Variants in MALRD1 observed in about 807,000 individuals in gnomAD.
MALRD1 encodes MAM and LDL receptor class A domain containing 1.
MALRD1 carries 247 observed loss-of-function variants against 242.1 expected under a neutral mutation model. That is an observed-to-expected ratio of 1.02 (90% CI 0.92 to 1.13). The LOEUF (loss-of-function observed/expected upper bound fraction) is 1.13, where lower values mean the gene tolerates loss of function less well. MALRD1 is among the 50% of genes most tolerant of loss of function. The probability of loss-of-function intolerance (pLI) is 0.00; values close to 1 mark genes in which losing one functional copy is unlikely to be tolerated. For missense variants in MALRD1, 2,989 were observed against 2,533.1 expected (o/e 1.18, Z -3.86); for synonymous variants, 995 against 866.6 (o/e 1.15, Z -2.60).
chr10:19,524,989 C>A (rs190650452), intron 31 of MALRD1, among the ~76,000 whole-genome samples: 15 of 152,016 alleles, frequency 9.9e-5, no homozygotes, highest in Admixed American at 2.0e-4. Context: ...CTGCAACCTC[C>A]CGCCTCCTAG....
At chr10:19,589,363 G>A (rs1837630538) in intron 33 of MALRD1, among the ~76,000 whole-genome samples, 1 of 152,102 alleles carries the variant, frequency 6.6e-6, no homozygotes, top group Non-Finnish European at 1.5e-5. Flanking sequence ...CATATTTGGT[G>A]GCATGCAAGT....
intron 1 of MALRD1, 140 bp from the exon 2 acceptor site, chr10:19,066,578 TA>T: frequency 1.6e-6 from 1 of 619,818 alleles, no homozygotes; most frequent in East Asian, 3.5e-5. Context: ...TTTGCATGAA[TA>T]AAGTAGACTT....
chr10:19,631,226 T>A (rs768464092), intron 36 of MALRD1, among the ~76,000 whole-genome samples: 3 of 152,166 alleles, frequency 2.0e-5, no homozygotes, highest in Non-Finnish European at 2.9e-5. Context: ...CTCCCACTTA[T>A]AAGTGAGAAC....
chr10:19,079,240 A>C (rs141998278), intron 2 of MALRD1, among the ~76,000 whole-genome samples: 2 of 151,550 alleles, frequency 1.3e-5, no homozygotes, highest in African/African-American at 4.8e-5. Flanking sequence ...TCTTTAGCCT[A>C]TTGGTTATTT....
At chr10:19,233,282 G>A (rs571429884) in intron 18 of MALRD1, among the ~76,000 whole-genome samples, 37 of 152,152 alleles carry the variant, frequency 2.4e-4, no homozygotes, top group South Asian at 1.5e-3. Context: ...TGGGCGGATC[G>A]CCTGAGGTCA....
intron 2 of MALRD1, 49 bp downstream of exon 2, chr10:19,066,908 T>G (rs1419979706): frequency 8.3e-7 from 1 of 1,210,710 alleles, no homozygotes; most frequent in East Asian, 3.2e-5. Flanking sequence ...CCTCCTTTCC[T>G]TCCTTCCCTC....
rs535244448 is a variant in MALRD1 at position 19,253,751 on chromosome 10, C to T, written c.2992-3933C>T. ...ATCCCCACCATTCCCCCAAATCTTC[C>T]ATTTCCTGATATAGTCAATCTCCTC... On this transcript the variant is annotated intron_variant, in intron 18 of 39. Coordinates refer to ENST00000454679, the MANE Select transcript of MALRD1 (RefSeq NM_001142308.3). Among the ~76,000 whole-genome samples, 3 of 152,112 alleles carry T rather than the reference C, an allele frequency of 2.0e-5. No homozygotes were observed. In the South Asian group the frequency reaches 6.2e-4, roughly 32 times the overall value.
At chr10:19,262,093 A>G (rs964812247) in intron 19 of MALRD1, among the ~76,000 whole-genome samples, 3 of 152,198 alleles carry the variant, frequency 2.0e-5, no homozygotes, top group South Asian at 4.1e-4. Flanking sequence ...CGTCTCTCTC[A>G]TATTCTGAGC....
At chr10:19,101,960 AAT>A (rs1321022592) in intron 4 of MALRD1, among the ~76,000 whole-genome samples, 2 of 124,546 alleles carry the variant, frequency 1.6e-5, no homozygotes, top group East Asian at 2.1e-4. Context: ...GTATCTATAT[AAT>A]ATATGTTAAT....
chr10:19,390,718 T>C (rs1167639940), intron 28 of MALRD1, among the ~76,000 whole-genome samples: 1 of 152,118 alleles, frequency 6.6e-6, no homozygotes, highest in African/African-American at 2.4e-5. Context: ...CTGGCACTGA[T>C]AGAAAATGCC....
chr10:19,595,323 A>C lies in MALRD1; in HGVS notation c.5810A>C (p.Asp1937Ala). ...TGCATAGATGGATCTGATGAAATGG[A>C]TTGTCCTCTCAGCCCCACCCCTCCA... The part of the protein sequence containing the change: ...EDCIDGSDEM[D>A]CPLSPTPPLC... Residue 1937 changes from aspartate to alanine, a missense_variant, in exon 34 of 40, where the codon GAT becomes GCT. Transcript: ENST00000454679. The C allele has an allele frequency of 6.4e-7, 1 of 1,550,744 alleles. No individual in the cohort carries two copies. Among genetic ancestry groups the C allele is most frequent in the South Asian group, 1.2e-5 (1 of 84,030 alleles).
chr10:19,607,639 A>G, intron 34 of MALRD1, 138 bp from the exon 35 acceptor site: 1 of 1,178,236 alleles, frequency 8.5e-7, no homozygotes, highest in Non-Finnish European at 1.1e-6. Context: ...TTCAAAAAGA[A>G]CTGTGTTCTA....
intron 21 of MALRD1, among the ~76,000 whole-genome samples, chr10:19,296,138 A>G (rs1348501391): frequency 6.6e-6 from 1 of 152,138 alleles, no homozygotes; most frequent in Non-Finnish European, 1.5e-5. Context: ...ACAGCCATCT[A>G]TACTAGGCAG....
Position 19,077,718 on chromosome 10 carries a change from G to A in MALRD1, c.341-10122G>A, listed in dbSNP as rs1192624204. 3.3e-5 allele frequency among the ~76,000 whole-genome samples: 5 copies of A among 151,964 alleles called. No homozygotes were observed. In the South Asian group the frequency reaches 6.2e-4, roughly 19 times the overall value. On this transcript the variant is annotated intron_variant, in intron 2 of 39. Coordinates refer to ENST00000454679, the MANE Select transcript of MALRD1 (RefSeq NM_001142308.3). ...ATTGTAGAGTAACTGATGACCTGCT[G>A]GAGTGACACATCAGTTAAGGGTTCC...
At chr10:19,420,874 A>G (rs1564325439) in intron 28 of MALRD1, among the ~76,000 whole-genome samples, 1 of 152,204 alleles carries the variant, frequency 6.6e-6, no homozygotes, top group East Asian at 1.9e-4. Flanking sequence ...AACCATCCTC[A>G]CCACTGGAAT....
At chr10:19,494,883 C>G (rs1053158628) in intron 30 of MALRD1, among the ~76,000 whole-genome samples, 1 of 152,078 alleles carries the variant, frequency 6.6e-6, no homozygotes, top group African/African-American at 2.4e-5. Context: ...ACTTTGCCAA[C>G]CTCACTAAAG....
At chr10:19,701,745 T>G (rs1589420070) in intron 38 of MALRD1, among the ~76,000 whole-genome samples, 1 of 78,234 alleles carries the variant, frequency 1.3e-5, no homozygotes, top group East Asian at 5.0e-4. Flanking sequence ...TCCCCTCCCC[T>G]CCCTTCCTCT....
At chr10:19,372,829 A>T (rs2130753749) in intron 26 of MALRD1, among the ~76,000 whole-genome samples, 1 of 152,218 alleles carries the variant, frequency 6.6e-6, no homozygotes, top group South Asian at 2.1e-4. Context: ...ATTAAAGGTA[A>T]ATTTAACTGG....
At chr10:19,304,126 G>A (rs1353760359) in intron 21 of MALRD1, among the ~76,000 whole-genome samples, 1 of 151,608 alleles carries the variant, frequency 6.6e-6, no homozygotes, top group Non-Finnish European at 1.5e-5. Flanking sequence ...AAGTGAGCAG[G>A]CACCATTCAA....
Sources: allele counts gnomAD v4.1 joint callset (sites outside exome capture counted in the v4.1 genomes callset), GRCh38; gene constraint gnomAD v4.1.1; transcripts MANE v1.5; gene names NCBI Gene and HGNC (gene_info 2026-07-23, HGNC 2026-07-21).